Variants in SMC1B observed in about 807,000 individuals in gnomAD.
SMC1B encodes the protein structural maintenance of chromosomes 1B, also known as structural maintenance of chromosomes protein 1B.
In SMC1B, 60 loss-of-function variants were observed where a neutral mutation model predicts 157.9. That is an observed-to-expected ratio of 0.38 (90% CI 0.31 to 0.47). The LOEUF is 0.47. Among genes scored for constraint, SMC1B ranks in the 20% least tolerant of loss-of-function variants. SMC1B has a pLI of 0.99. For missense variants in SMC1B, 1,165 were observed against 1,426.2 expected (o/e 0.82, Z 2.95); for synonymous variants, 445 against 483.0 (o/e 0.92, Z 1.03).
Position 45,396,327 on chromosome 22 carries a change from A to G in SMC1B, c.1254+19T>C, listed in dbSNP as rs1475744852. On this transcript the variant is annotated intron_variant, in intron 7 of 24. Transcript: ENST00000357450. ...TCATTAAGAATGATTCTAAATCATTACTGTACAACCCAAGACACCTGAACT... is the reference window on the plus strand; with the variant it reads ...TCATTAAGAATGATTCTAAATCATTGCTGTACAACCCAAGACACCTGAACT... 6.3e-7 allele frequency: 1 copy of G among 1,586,950 alleles called. No homozygotes were observed. Among genetic ancestry groups the G allele is most frequent in the East Asian group, 2.3e-5 (1 of 43,806 alleles).
At chr22:45,388,263 A>C (rs2087012549) in intron 10 of SMC1B, among the ~76,000 whole-genome samples, 1 of 152,128 alleles carries the variant, frequency 6.6e-6, no homozygotes, top group African/African-American at 2.4e-5. Flanking sequence ...ATGTGTGTGT[A>C]TATACATTTG....
At chr22:45,393,258 G>A (rs1198111138) in intron 9 of SMC1B, among the ~76,000 whole-genome samples, 1 of 152,112 alleles carries the variant, frequency 6.6e-6, no homozygotes, top group East Asian at 1.9e-4. Flanking sequence ...GATGTCTGCT[G>A]AAAAAATATT....
intron 5 of SMC1B, among the ~76,000 whole-genome samples, chr22:45,400,145 G>A (rs2087175531): frequency 1.3e-5 from 2 of 152,084 alleles, no homozygotes; most frequent in South Asian, 2.1e-4. Flanking sequence ...AGAAAGCCTA[G>A]AAGCAAGGAC....
chr22:45,396,287 A>G, intron 7 of SMC1B, 59 bp downstream of exon 7: 1 of 1,478,386 alleles, frequency 6.8e-7, no homozygotes, highest in Non-Finnish European at 9.2e-7. Flanking sequence ...ACAGGTACAA[A>G]AAGGAAATAA....
chr22:45,346,637 G>T (rs978070498), intron 23 of SMC1B, among the ~76,000 whole-genome samples: 2 of 152,208 alleles, frequency 1.3e-5, no homozygotes, highest in Admixed American at 1.3e-4. Flanking sequence ...ACTGCTCTAA[G>T]AGGCTGAATT....
chr22:45,402,213 TA>T, intron 5 of SMC1B, 119 bp downstream of exon 5: 1 of 761,978 alleles, frequency 1.3e-6, no homozygotes, highest in Admixed American at 2.6e-5. Context: ...TCTGTATATC[TA>T]AAAGTATTCC....
Position 45,413,446 on chromosome 22 carries a change from G to T in SMC1B, c.109+13C>A, listed in dbSNP as rs758132351. 1.2e-5 allele frequency: 19 copies of T among 1,590,262 alleles called. No homozygotes were observed. The East Asian group carries it at 3.7e-4, about 31-fold the overall frequency. ...CGGAGGCGCTCCGGTGGCGCCCTGA[G>T]CTGCTCAGTTACCAGAGCCGTTGGG... On this transcript the variant is annotated intron_variant, in intron 1 of 24. Coordinates refer to ENST00000357450, the MANE Select transcript of SMC1B (RefSeq NM_148674.5).
At chr22:45,383,243 CAA>C (rs1347885392) in intron 12 of SMC1B, among the ~76,000 whole-genome samples, 4 of 151,936 alleles carry the variant, frequency 2.6e-5, no homozygotes, top group Non-Finnish European at 1.5e-5. Context: ...CTTGCACACA[CAA>C]AGAAAATTTC....
At chr22:45,376,927 A>G (rs2086889197) in intron 12 of SMC1B, among the ~76,000 whole-genome samples, 1 of 152,208 alleles carries the variant, frequency 6.6e-6, no homozygotes. Flanking sequence ...AAAACTTGTC[A>G]CATGGCCAGC....
At chr22:45,380,243 G>C (rs1189220305) in intron 12 of SMC1B, among the ~76,000 whole-genome samples, 1 of 152,094 alleles carries the variant, frequency 6.6e-6, no homozygotes, top group Non-Finnish European at 1.5e-5. Flanking sequence ...TTCTTGAAGG[G>C]CAGGTAGCTT....
intron 4 of SMC1B, among the ~76,000 whole-genome samples, chr22:45,404,038 T>C (rs1238956117): frequency 6.6e-6 from 1 of 152,064 alleles, no homozygotes; most frequent in African/African-American, 2.4e-5. Context: ...GCCTCTTAGC[T>C]TCAAGTGATT....
chr22:45,355,681 G>A (rs773698596), intron 19 of SMC1B, among the ~76,000 whole-genome samples: 13 of 152,262 alleles, frequency 8.5e-5, no homozygotes, highest in Non-Finnish European at 1.3e-4. Flanking sequence ...AATCCAGCTA[G>A]ACAGGTTAAC....
intron 22 of SMC1B, among the ~76,000 whole-genome samples, chr22:45,350,096 T>C (rs996312320): frequency 6.6e-6 from 1 of 152,222 alleles, no homozygotes; most frequent in African/African-American, 2.4e-5. Flanking sequence ...TGAGAACTCT[T>C]CATCTCTCCA....
chr22:45,360,843 C>T (rs952914958), intron 17 of SMC1B, among the ~76,000 whole-genome samples: 1 of 152,202 alleles, frequency 6.6e-6, no homozygotes, highest in African/African-American at 2.4e-5. Context: ...TTAACTTTGT[C>T]TAATCACTCA....
chr22:45,363,788 C>G (rs2086745417), intron 15 of SMC1B, among the ~76,000 whole-genome samples: 1 of 152,100 alleles, frequency 6.6e-6, no homozygotes, highest in Non-Finnish European at 1.5e-5. Flanking sequence ...CTTTTATAAT[C>G]TACAGATTTC....
intron 12 of SMC1B, among the ~76,000 whole-genome samples, chr22:45,375,478 T>C (rs1027673054): frequency 6.6e-6 from 1 of 152,236 alleles, no homozygotes; most frequent in Non-Finnish European, 1.5e-5. Context: ...GTCTCAGATA[T>C]TCAGGGTTCA....
Position 45,394,567 on chromosome 22 carries a change from T to C in SMC1B, c.1337+118A>G, listed in dbSNP as rs1027754715. 27 of 1,213,120 alleles carry C rather than the reference T, an allele frequency of 2.2e-5. No individual in the cohort carries two copies. The African/African-American group carries it at 3.5e-4, about 16-fold the overall frequency. The allele number at this position is 1,213,120 out of a possible 1,614,324, so 75.1% of individuals were successfully genotyped here. A position where few individuals can be genotyped will look rare whatever the true frequency, so the allele number is the denominator to read the frequency against. ...AGGAGCGTCATGTGAGCCCCGGAAG[T>C]TGAGGCTACCGTAAGCCATGACTGC... On this transcript the variant is annotated intron_variant, in intron 8 of 24. Coordinates refer to ENST00000357450, the MANE Select transcript of SMC1B (RefSeq NM_148674.5).
At chr22:45,411,152 G>C (rs1401991732) in intron 1 of SMC1B, among the ~76,000 whole-genome samples, 1 of 152,144 alleles carries the variant, frequency 6.6e-6, no homozygotes, top group Middle Eastern at 3.2e-3. Flanking sequence ...TCTGTCAAGA[G>C]AGTCAAGGCA....
At position 45,410,543 on chromosome 22, in the gene SMC1B, A is replaced by C. The variant is rs573492685; in HGVS notation, c.110-1645T>G. ...CATGGTGAAACCCCGTCTCTACTAA[A>C]ATACAAAAAATTAGCCAGCTGTGGT... On this transcript the variant is annotated intron_variant, in intron 1 of 24. Coordinates refer to ENST00000357450, the MANE Select transcript of SMC1B (RefSeq NM_148674.5). Among the ~76,000 whole-genome samples the C allele has an allele frequency of 2.2e-4, 33 of 152,110 alleles. No homozygotes were observed. In the South Asian group the frequency reaches 6.5e-3, roughly 30 times the overall value.
Sources: gnomAD v4.1 joint callset for allele counts (sites outside exome capture counted in the v4.1 genomes callset) on GRCh38, gnomAD v4.1.1 for gene constraint, MANE v1.5 for transcripts, NCBI Gene and HGNC (gene_info 2026-07-23, HGNC 2026-07-21) for gene names.